Variants in GRHPR observed in about 807,000 individuals in gnomAD.
The protein encoded by GRHPR is glyoxylate and hydroxypyruvate reductase.
GRHPR carries 35 observed loss-of-function variants against 36.8 expected under a neutral mutation model. The observed-to-expected ratio is 0.95, with a 90% CI of 0.73 to 1.26. GRHPR has a LOEUF of 1.26. GRHPR is among the 50% of genes most tolerant of loss of function. GRHPR has a pLI of 0.00. For synonymous variants in GRHPR, 179 were observed against 181.0 expected (o/e 0.99, Z 0.09); for missense variants, 380 against 435.0 (o/e 0.87, Z 1.12).
At chr9:37,437,132 A>G, downstream of GRHPR, 1 of 320,998 alleles carries the variant, frequency 3.1e-6, no homozygotes, top group South Asian at 2.8e-5. Context: ...TGCTATAACC[A>G]CTCTTTTTAA....
chr9:37,434,846 G>C (rs540635408), intron 8 of GRHPR: 1 of 152,402 alleles, frequency 6.6e-6, no homozygotes, highest in Non-Finnish European at 1.5e-5. Context: ...AGATGGCCCT[G>C]AATTTTGCCA....
rs1324288158 is a variant in GRHPR, at chr9:37,424,968, T to C, written c.207T>C (p.Asp69=). The C allele has an allele frequency of 6.2e-7, 1 of 1,612,196 alleles. No individual in the cohort carries two copies. Among genetic ancestry groups the C allele is most frequent in the East Asian group, 2.2e-5 (1 of 44,878 alleles). The change falls in exon 2 of 9, where the codon GAT becomes GAC. Residue 69 remains aspartate, a synonymous_variant. Transcript: ENST00000318158. ...LSDHVDKRIL[D]AAGANLKVIS... ...ACCACGTGGACAAGAGGATCCTGGA[T>C]GCTGCAGGTGCACACTGGGTGGGCA...
chr9:37,429,017 CTT>C (rs1823224419), intron 5 of GRHPR: 1 of 323,708 alleles, frequency 3.1e-6, no homozygotes, highest in Non-Finnish European at 6.1e-6. Flanking sequence ...GGCAGAGACA[CTT>C]TTCTTCCAGT....
rs1823691977 is a variant in GRHPR, at chr9:37,436,862, C to T, written c.*80C>T. 2 of 1,457,454 alleles carry T rather than the reference C, an allele frequency of 1.4e-6. No homozygotes were observed. The highest frequency in any genetic ancestry group is 1.9e-6 in the Non-Finnish European group (2 of 1,038,386). 90.3% of individuals were successfully genotyped at this position (1,457,454 alleles called of 1,614,324 possible). A position where few individuals can be genotyped will look rare whatever the true frequency, so the allele number is the denominator to read the frequency against. ...CACACCCAGGCTTGATTTGGATCCA[C>T]AGGCAGAGCCAAGGGAAGGTGTGAT... On this transcript the variant is annotated 3_prime_UTR_variant, in exon 9 of 9. Coordinates refer to ENST00000318158, the MANE Select transcript of GRHPR (RefSeq NM_012203.2).
chr9:37,435,573 A>G, intron 8 of GRHPR, among the ~76,000 whole-genome samples: 1 of 151,482 alleles, frequency 6.6e-6, no homozygotes, highest in South Asian at 2.1e-4. Context: ...GTTACCAGAG[A>G]GGAGAAGAAA....
At chr9:37,436,158 G>C (rs1823634948) in intron 8 of GRHPR, among the ~76,000 whole-genome samples, 1 of 152,176 alleles carries the variant, frequency 6.6e-6, no homozygotes, top group Non-Finnish European at 1.5e-5. Flanking sequence ...ATCCAGGCTA[G>C]AGTGCAATGG....
At chr9:37,438,161 A>T (rs41278297), downstream of GRHPR, 1 of 152,758 alleles carries the variant, frequency 6.5e-6, no homozygotes, top group Non-Finnish European at 1.5e-5. Context: ...TAACCAGCAT[A>T]GCACCACTGA....
Position 37,435,125 on chromosome 9 carries a change from C to T in GRHPR, c.866-1536C>T, listed in dbSNP as rs57303764. Among the ~76,000 whole-genome samples, 82 of 152,212 alleles carry T rather than the reference C, an allele frequency of 5.4e-4. 1 individual carries two copies. The East Asian group carries it at 0.016, about 29-fold the overall frequency. ...AATTAGCCATGTGTAATGGTATGTA[C>T]CTCTAGTCCTAGCTGCTCAGGAGGC... is the stretch of plus-strand genomic sequence containing the variant. On this transcript the variant is annotated intron_variant, in intron 8 of 8. Transcript: ENST00000318158.
chr9:37,430,478 C>T (rs1278070053), intron 6 of GRHPR, 33 bp from the exon 7 acceptor site: 1 of 1,604,992 alleles, frequency 6.2e-7, no homozygotes, highest in African/African-American at 1.3e-5. Context: ...TAGCCTGGGA[C>T]TCAGTGCCTG....
At chr9:37,432,159 T>C (rs747068125) in intron 8 of GRHPR, 21 bp downstream of exon 8, 1 of 1,613,252 alleles carries the variant, frequency 6.2e-7, no homozygotes, top group Admixed American at 1.7e-5. Context: ...CACTTTCTGA[T>C]GCAAACTCCC....
downstream of GRHPR, chr9:37,438,893 T>A (rs558142578): frequency 1.3e-5 from 2 of 152,210 alleles, no homozygotes; most frequent in African/African-American, 4.8e-5. Context: ...AATCAGTCCA[T>A]GGGAGATGCC....
At chr9:37,427,152 G>A (rs867215213) in intron 4 of GRHPR, among the ~76,000 whole-genome samples, 1 of 152,066 alleles carries the variant, frequency 6.6e-6, no homozygotes, top group Admixed American at 6.6e-5. Flanking sequence ...AGAGGATGAG[G>A]GAGGACAAAC....
At chr9:37,437,103 C>A (rs868818720), downstream of GRHPR, 2 of 370,182 alleles carry the variant, frequency 5.4e-6, no homozygotes, top group Non-Finnish European at 1.0e-5. Context: ...TCCTTTGAGG[C>A]CAGTTCAAGG....
chr9:37,434,554 A>C (rs1415661388), intron 8 of GRHPR: 1 of 333,036 alleles, frequency 3.0e-6, no homozygotes, highest in African/African-American at 2.1e-5. Context: ...CACTGAGGCC[A>C]CTGCAACCAA....
chr9:37,431,912 G>C, intron 7 of GRHPR, 96 bp from the exon 8 acceptor site: 1 of 1,347,032 alleles, frequency 7.4e-7, no homozygotes, highest in Non-Finnish European at 1.1e-6. Flanking sequence ...TCAGTGCCAA[G>C]TGAGTGGAAA....
At chr9:37,423,000 C>T (rs1013855201) in intron 1 of GRHPR, among the ~76,000 whole-genome samples, 167 bp downstream of exon 1, 2 of 152,158 alleles carry the variant, frequency 1.3e-5, no homozygotes, top group African/African-American at 4.8e-5. Flanking sequence ...ACGCTGGGAC[C>T]TGCAGTTCCG....
chr9:37,425,471 A>C (rs1823035472), intron 2 of GRHPR, among the ~76,000 whole-genome samples: 1 of 152,154 alleles, frequency 6.6e-6, no homozygotes, highest in Non-Finnish European at 1.5e-5. Context: ...ATGGGAAGGG[A>C]CCCTTGTGAG....
Position 37,430,635 on chromosome 9 carries a change from C to A in GRHPR, c.723C>A (p.Ile241=). The A allele has an allele frequency of 6.2e-7, 1 of 1,613,808 alleles. No homozygotes were observed. The highest frequency in any genetic ancestry group is 1.1e-5 in the South Asian group (1 of 91,066). The change falls in exon 7 of 9, where the codon ATC becomes ATA. Residue 241 remains isoleucine, a synonymous_variant. Coordinates refer to ENST00000318158, the MANE Select transcript of GRHPR (RefSeq NM_012203.2). ...AGATGAAGGAAACAGCTGTGTTCAT[C>A]AACATCAGCAGGTATCCTAGGGCCA... ...FQKMKETAVF[I]NISRGDVVNQ...
At chr9:37,435,050 G>C (rs114101354) in intron 8 of GRHPR, among the ~76,000 whole-genome samples, 9 of 152,212 alleles carry the variant, frequency 5.9e-5, no homozygotes, top group African/African-American at 2.2e-4. Context: ...CCAAGAGTTC[G>C]AATCTAGCCT....
Sources: allele counts gnomAD v4.1 joint callset (sites outside exome capture counted in the v4.1 genomes callset), GRCh38; gene constraint gnomAD v4.1.1; transcripts MANE v1.5; gene names NCBI Gene and HGNC (gene_info 2026-07-23, HGNC 2026-07-21).